Variants in STXBP6 observed in about 807,000 individuals in gnomAD.
STXBP6 encodes the protein syntaxin binding protein 6.
In STXBP6, 21 loss-of-function variants were observed where a neutral mutation model predicts 26.9. That is an observed-to-expected ratio of 0.78 (90% confidence interval 0.55 to 1.12). STXBP6 has a LOEUF of 1.12. Ranked by LOEUF, STXBP6 falls within the 50% of genes most tolerant of loss-of-function variation. STXBP6 has a pLI of 0.00. For synonymous variants in STXBP6, 97 were observed against 92.6 expected (o/e 1.05, Z -0.27); for missense variants, 232 against 257.9 (o/e 0.90, Z 0.69).
At chr14:24,963,478 C>A (rs1427724719) in intron 2 of STXBP6, among the ~76,000 whole-genome samples, 1 of 152,146 alleles carries the variant, frequency 6.6e-6, no homozygotes, top group Non-Finnish European at 1.5e-5. Flanking sequence ...ATTGGATCCA[C>A]ACAAAGTGGA....
intron 4 of STXBP6, among the ~76,000 whole-genome samples, chr14:24,845,719 AAGCTG>A (rs1244640949): frequency 2.0e-5 from 3 of 152,346 alleles, no homozygotes; most frequent in Admixed American, 1.3e-4. Flanking sequence ...TAGTCCCCAG[AAGCTG>A]TGCATGGTAA....
chr14:24,882,768 C>T (rs1241642), intron 2 of STXBP6, among the ~76,000 whole-genome samples: 127,904 of 152,202 alleles, frequency 0.84, 53,781 homozygotes, highest in Admixed American at 0.9. Context: ...CCTACCACCT[C>T]TCCACTATAA....
chr14:25,044,815 T>G (rs2140519148), intron 1 of STXBP6, among the ~76,000 whole-genome samples: 1 of 152,336 alleles, frequency 6.6e-6, no homozygotes. Context: ...TTTTGTTGTA[T>G]GCTCTGAAAA....
chr14:25,039,638 T>C (rs760507287), intron 1 of STXBP6, among the ~76,000 whole-genome samples: 4 of 152,038 alleles, frequency 2.6e-5, no homozygotes, highest in Non-Finnish European at 5.9e-5. Context: ...CCCTCTTCAT[T>C]TCCTGGAATG....
chr14:24,932,397 C>T (rs117273504), intron 2 of STXBP6, among the ~76,000 whole-genome samples: 1,586 of 152,142 alleles, frequency 0.01, 9 homozygotes, highest in Middle Eastern at 0.024. Context: ...GTGGTACATG[C>T]CTATGTTGGG....
Position 24,857,017 on chromosome 14 carries a change from A to G in STXBP6, c.285+10T>C. On this transcript the variant is annotated intron_variant, in intron 3 of 5. Coordinates refer to ENST00000323944, the MANE Select transcript of STXBP6 (RefSeq NM_001394410.1). ...GAATGCCTTTGCTCAGCATTGGACA[A>G]TTCACTCACCCCATTAGGATCGATA... 1.2e-6 allele frequency: 2 copies of G among 1,612,248 alleles called. No homozygotes were observed. Among genetic ancestry groups the G allele is most frequent in the Non-Finnish European group, 1.7e-6 (2 of 1,178,724 alleles).
rs921415718 is a variant in STXBP6, at chr14:24,856,903, A to G, written c.285+124T>C. 1.1e-5 allele frequency: 14 copies of G among 1,228,536 alleles called. No individual in the cohort carries two copies. In the Admixed American group the frequency reaches 3.5e-4, roughly 31 times the overall value. 76.1% of individuals were successfully genotyped at this position (1,228,536 alleles called of 1,614,324 possible). A position where few individuals can be genotyped will look rare whatever the true frequency, so the allele number is the denominator to read the frequency against. ...CTCTGTATCCGAAAGTTTTAATCACATAATTGAAATAGAGAAATAGCCTTC... is the reference window on the plus strand; with the variant it reads ...CTCTGTATCCGAAAGTTTTAATCACGTAATTGAAATAGAGAAATAGCCTTC... On this transcript the variant is annotated intron_variant, in intron 3 of 5. Coordinates refer to ENST00000323944, the MANE Select transcript of STXBP6 (RefSeq NM_001394410.1).
intron 2 of STXBP6, among the ~76,000 whole-genome samples, chr14:24,877,768 G>T (rs1443497845): frequency 6.6e-6 from 1 of 152,130 alleles, no homozygotes; most frequent in East Asian, 1.9e-4. Context: ...TGAGAATAAA[G>T]TTCCAGAAGT....
intron 1 of STXBP6, among the ~76,000 whole-genome samples, chr14:24,999,552 G>A (rs941999663): frequency 4.6e-5 from 7 of 152,298 alleles, no homozygotes; most frequent in South Asian, 2.1e-4. Context: ...ATGGGATGGC[G>A]TATTATGTGA....
At chr14:24,862,138 CA>C in intron 2 of STXBP6, among the ~76,000 whole-genome samples, 1 of 152,224 alleles carries the variant, frequency 6.6e-6, no homozygotes, top group African/African-American at 2.4e-5. Flanking sequence ...GCTGGGACTA[CA>C]ACACATGTGT....
chr14:24,913,855 T>C (rs1388166767), intron 2 of STXBP6, among the ~76,000 whole-genome samples: 3 of 152,166 alleles, frequency 2.0e-5, no homozygotes, highest in African/African-American at 7.2e-5. Context: ...GGGGGAAATA[T>C]TGTCTCTTCT....
At position 24,836,095 on chromosome 14, in the gene STXBP6, G is replaced by A. The variant is rs146980768; in HGVS notation, c.452-16901C>T. Among the ~76,000 whole-genome samples the A allele has an allele frequency of 2.7e-3, 413 of 152,310 alleles. 3 individuals are homozygous for A. Among genetic ancestry groups the A allele is most frequent in the African/African-American group, 9.3e-3 (386 of 41,564 alleles). Reference sequence around the variant, plus strand: ...AGCCAGTGGCAACACTAGTTAATGAGCAATAGCCTTCAGGGTGTGTATGAA... The same window carrying A: ...AGCCAGTGGCAACACTAGTTAATGAACAATAGCCTTCAGGGTGTGTATGAA... On this transcript the variant is annotated intron_variant, in intron 4 of 5. Coordinates refer to ENST00000323944, the MANE Select transcript of STXBP6 (RefSeq NM_001394410.1).
intron 1 of STXBP6, among the ~76,000 whole-genome samples, chr14:25,009,412 A>G (rs893308609): frequency 6.6e-6 from 1 of 152,150 alleles, no homozygotes; most frequent in Non-Finnish European, 1.5e-5. Flanking sequence ...ATGAGGCATA[A>G]ATTATACAAA....
chr14:24,882,664 C>A (rs1026890535), intron 2 of STXBP6, among the ~76,000 whole-genome samples: 1 of 152,146 alleles, frequency 6.6e-6, no homozygotes, highest in Non-Finnish European at 1.5e-5. Flanking sequence ...TAGTTCACTA[C>A]CCCACCCCTA....
intron 4 of STXBP6, 100 bp downstream of exon 4, chr14:24,855,836 C>A (rs1437602396): frequency 4.4e-6 from 5 of 1,136,938 alleles, no homozygotes; most frequent in Non-Finnish European, 6.2e-6. Context: ...TGATTCTTCT[C>A]CTGTTTTTGT....
intron 1 of STXBP6, among the ~76,000 whole-genome samples, chr14:24,992,189 T>C (rs1272940591): frequency 1.3e-5 from 2 of 152,224 alleles, no homozygotes; most frequent in African/African-American, 4.8e-5. Context: ...TAGATCCATC[T>C]TCCCCATCTT....
chr14:24,960,290 G>A (rs2073487918), intron 2 of STXBP6, among the ~76,000 whole-genome samples: 1 of 152,154 alleles, frequency 6.6e-6, no homozygotes, highest in Admixed American at 6.5e-5. Flanking sequence ...CAGGTCACTG[G>A]CCAGAAGTTA....
At chr14:25,011,609 A>G (rs1186019588) in intron 1 of STXBP6, among the ~76,000 whole-genome samples, 1 of 152,202 alleles carries the variant, frequency 6.6e-6, no homozygotes, top group Non-Finnish European at 1.5e-5. Context: ...CCCAGAGACT[A>G]CAAAATCCAG....
intron 2 of STXBP6, among the ~76,000 whole-genome samples, chr14:24,920,104 C>T (rs2071927144): frequency 6.6e-6 from 1 of 152,072 alleles, no homozygotes; most frequent in Admixed American, 6.6e-5. Flanking sequence ...AGAATATCAA[C>T]AGCATCTACG....
Sources: gnomAD v4.1 joint callset for allele counts (sites outside exome capture counted in the v4.1 genomes callset) on GRCh38, gnomAD v4.1.1 for gene constraint, MANE v1.5 for transcripts, NCBI Gene and HGNC (gene_info 2026-07-23, HGNC 2026-07-21) for gene names.